The following TSPAN18 variants were observed in gnomAD, a reference collection of about 807,000 sequenced individuals.
TSPAN18 encodes the protein tetraspanin 18, also known as tetraspanin-18.
Under a neutral mutation model 27.3 loss-of-function variants are expected in TSPAN18, and 14 were observed. The observed-to-expected ratio is 0.51, with a 90% confidence interval of 0.34 to 0.80. The LOEUF (loss-of-function observed/expected upper bound fraction) is 0.80, where lower values mean the gene tolerates loss of function less well. Among genes scored for constraint, TSPAN18 ranks in the 30% least tolerant of loss-of-function variants. TSPAN18 has a pLI of 0.01. For missense variants in TSPAN18, 268 were observed against 323.9 expected, an observed-to-expected ratio of 0.83 and a Z score of 1.32; for synonymous variants, 143 against 136.5, an observed-to-expected ratio of 1.05 and a Z score of -0.33.
intron 3 of TSPAN18, among the ~76,000 whole-genome samples, chr11:44,871,335 T>G (rs1858189193): frequency 6.6e-6 from 1 of 152,102 alleles, no homozygotes; most frequent in African/African-American, 2.4e-5. Flanking sequence ...GGAAGCAAGC[T>G]CTCCTGTCTT....
rs1177921875 is a variant in TSPAN18, at chr11:44,806,130, G to T, written c.-153+41618G>T. On this transcript the variant is annotated intron_variant, in intron 2 of 9. Transcript: ENST00000520358. ...GCTCACTGCAACCTCCGCCTCCCGG[G>T]TTCAAGTGATTCTCATGCCTCAGCC... Among the ~76,000 whole-genome samples, 10 of 151,560 alleles carry T rather than the reference G, an allele frequency of 6.6e-5. No homozygotes were observed. In the East Asian group the frequency reaches 2.0e-3, roughly 30 times the overall value.
chr11:44,787,776 G>A (rs1433125420), intron 2 of TSPAN18, among the ~76,000 whole-genome samples: 1 of 152,226 alleles, frequency 6.6e-6, no homozygotes, highest in Non-Finnish European at 1.5e-5. Flanking sequence ...CAGCTGCCAG[G>A]TGATGCTTTT....
At chr11:44,871,325 G>C (rs1245661636) in intron 3 of TSPAN18, among the ~76,000 whole-genome samples, 1 of 152,076 alleles carries the variant, frequency 6.6e-6, no homozygotes, top group Non-Finnish European at 1.5e-5. Flanking sequence ...CAGAGAAAGA[G>C]GAAGCAAGCT....
chr11:44,786,457 G>T (rs938934255), intron 2 of TSPAN18, among the ~76,000 whole-genome samples: 1 of 151,194 alleles, frequency 6.6e-6, no homozygotes, highest in Non-Finnish European at 1.5e-5. Flanking sequence ...AGTGAAACTC[G>T]GTGATGTCCT....
chr11:44,735,934 C>G (rs73464462), intron 1 of TSPAN18, among the ~76,000 whole-genome samples: 2,695 of 152,232 alleles, frequency 0.018, 87 homozygotes, highest in African/African-American at 0.061. Context: ...TCCTCTTAAC[C>G]TGATTATATC....
intron 3 of TSPAN18, among the ~76,000 whole-genome samples, chr11:44,895,670 C>G (rs1417819584): frequency 6.6e-6 from 1 of 151,306 alleles, no homozygotes; most frequent in East Asian, 1.9e-4. Context: ...CTGGAGCTCC[C>G]TGGTGGGGAG....
At chr11:44,771,388 C>G (rs1362988107) in intron 2 of TSPAN18, among the ~76,000 whole-genome samples, 1 of 152,232 alleles carries the variant, frequency 6.6e-6, no homozygotes, top group East Asian at 1.9e-4. Flanking sequence ...CAAGTGTCAA[C>G]TGTGCTGGAA....
At chr11:44,771,421 G>A (rs1855687186) in intron 2 of TSPAN18, among the ~76,000 whole-genome samples, 1 of 152,206 alleles carries the variant, frequency 6.6e-6, no homozygotes. Context: ...TTACCTGTGG[G>A]CCCCAGATGT....
At chr11:44,917,812 G>T (rs911558621) in intron 5 of TSPAN18, 160 bp from the exon 6 acceptor site, 1 of 627,370 alleles carries the variant, frequency 1.6e-6, no homozygotes, top group African/African-American at 1.8e-5. Context: ...AATCACTGGT[G>T]TGTTTGTTAT....
intron 2 of TSPAN18, among the ~76,000 whole-genome samples, chr11:44,837,689 T>G (rs1857290878): frequency 6.6e-6 from 1 of 152,198 alleles, no homozygotes; most frequent in South Asian, 2.1e-4. Context: ...CCACAGCCAT[T>G]ATGACCTTCA....
intron 2 of TSPAN18, among the ~76,000 whole-genome samples, chr11:44,781,811 G>A (rs1214119945): frequency 6.6e-6 from 1 of 152,078 alleles, no homozygotes; most frequent in Non-Finnish European, 1.5e-5. Flanking sequence ...TTTTCCATCA[G>A]CCCAGAAAGT....
chr11:44,863,840 G>A (rs1173969651), intron 3 of TSPAN18, among the ~76,000 whole-genome samples: 2 of 152,180 alleles, frequency 1.3e-5, no homozygotes, highest in Non-Finnish European at 2.9e-5. Flanking sequence ...ATACTTGAAT[G>A]ACAGAAAGTG....
At chr11:44,904,024 G>A (rs1859364568) in intron 3 of TSPAN18, 2 of 368,484 alleles carry the variant, frequency 5.4e-6, no homozygotes, top group South Asian at 4.0e-5. Context: ...AGACTTGGGT[G>A]GATGATCTCA....
rs373276528 is a variant in TSPAN18, at chr11:44,773,492, AT to A, written c.-153+8990del. 8.3e-3 allele frequency among the ~76,000 whole-genome samples: 1,250 copies of A among 150,768 alleles called. 12 individuals are homozygous for A. Among genetic ancestry groups the A allele is most frequent in the African/African-American group, 0.029 (1,180 of 41,128 alleles). On this transcript the variant is annotated intron_variant, in intron 2 of 9. Coordinates refer to ENST00000520358, the MANE Select transcript of TSPAN18 (RefSeq NM_130783.5). ...TGTTTAGAACTTAGATCACTAAAAGATTTTTTTTTTCTCAAAGCAGAGCATT... is the reference window on the plus strand; with the variant it reads ...TGTTTAGAACTTAGATCACTAAAAGATTTTTTTTTCTCAAAGCAGAGCATT...
At chr11:44,868,395 G>C (rs991876623) in intron 3 of TSPAN18, among the ~76,000 whole-genome samples, 1 of 152,204 alleles carries the variant, frequency 6.6e-6, no homozygotes, top group Admixed American at 6.5e-5. Context: ...GTGGAGCTGG[G>C]AGGAGACCAG....
At position 44,808,769 on chromosome 11, in the gene TSPAN18, G is replaced by A. The variant is rs768243276; in HGVS notation, c.-153+44257G>A. Reference sequence around the variant, plus strand: ...GAATCTGGGTTTGTGGACAGATCTCGGTTCCGTCTCCCTCACCGTGGTTTG... The same window carrying A: ...GAATCTGGGTTTGTGGACAGATCTCAGTTCCGTCTCCCTCACCGTGGTTTG... On this transcript the variant is annotated intron_variant, in intron 2 of 9. Transcript: ENST00000520358. Among the ~76,000 whole-genome samples, 73 of 152,118 alleles carry A rather than the reference G, an allele frequency of 4.8e-4. 1 individual carries two copies. Among genetic ancestry groups the A allele is most frequent in the Non-Finnish European group, 9.1e-4 (62 of 67,986 alleles).
chr11:44,865,516 T>G (rs974705688), intron 3 of TSPAN18, among the ~76,000 whole-genome samples: 2 of 152,184 alleles, frequency 1.3e-5, no homozygotes, highest in Non-Finnish European at 2.9e-5. Flanking sequence ...CTTTGAAAAG[T>G]TATTATTACA....
At chr11:44,888,537 G>A (rs1565192648) in intron 3 of TSPAN18, among the ~76,000 whole-genome samples, 2 of 152,140 alleles carry the variant, frequency 1.3e-5, no homozygotes, top group South Asian at 4.1e-4. Flanking sequence ...TTTATAATCT[G>A]GTAGAGAAGG....
chr11:44,926,597 C>T, intron 8 of TSPAN18, 77 bp from the exon 9 acceptor site: 1 of 1,337,976 alleles, frequency 7.5e-7, no homozygotes, highest in Non-Finnish European at 1.1e-6. Flanking sequence ...TGCCATGAAC[C>T]CTAGTCCACA....
Sources: gnomAD v4.1 joint callset for allele counts (sites outside exome capture counted in the v4.1 genomes callset) on GRCh38, gnomAD v4.1.1 for gene constraint, MANE v1.5 for transcripts, NCBI Gene and HGNC (gene_info 2026-07-23, HGNC 2026-07-21) for gene names.